Variants in RTL4 observed in about 807,000 individuals in gnomAD.
RTL4 encodes the protein retrotransposon Gag-like protein 4.
RTL4 carries 4 observed loss-of-function variants against 5.3 expected under a neutral mutation model. The ratio of observed to expected loss-of-function variants is 0.75; its 90% CI spans 0.37 to 1.72. RTL4 has a LOEUF of 1.72. RTL4 is among the 40% of genes most tolerant of loss of function. The pLI is 0.04. For missense variants in RTL4, 260 were observed against 227.1 expected, an observed-to-expected ratio of 1.14 and a Z score of -0.93; for synonymous variants, 98 against 87.3, an observed-to-expected ratio of 1.12 and a Z score of -0.68.
At chrX:112,435,020 C>T in the RTL4 span, among the ~76,000 whole-genome samples, 1 of 110,954 alleles carries the variant, frequency 9.0e-6, no homozygotes, top group Non-Finnish European at 1.9e-5. Flanking sequence ...GGGGGAAATG[C>T]TGTAAATGCT....
the RTL4 span, among the ~76,000 whole-genome samples, chrX:112,118,909 G>C: frequency 9.0e-6 from 1 of 110,905 alleles, no homozygotes; most frequent in African/African-American, 3.3e-5. Context: ...TTCCGAGATG[G>C]AGTCTCGCTC....
chrX:112,289,040 A>C, the RTL4 span, among the ~76,000 whole-genome samples: 4 of 111,819 alleles, frequency 3.6e-5, no homozygotes, highest in African/African-American at 1.3e-4. Context: ...AATGAATAGA[A>C]TTTAAAACTG....
the RTL4 span, among the ~76,000 whole-genome samples, chrX:112,234,527 A>G: frequency 9.0e-6 from 1 of 111,592 alleles, no homozygotes; most frequent in Admixed American, 9.5e-5. Flanking sequence ...TGGCTTTGGG[A>G]TCAGCTCCAG....
chrX:112,268,659 T>A, the RTL4 span, among the ~76,000 whole-genome samples: 2 of 111,652 alleles, frequency 1.8e-5, no homozygotes, highest in Admixed American at 9.5e-5. Context: ...GTTTTTTTCT[T>A]CACACAAAGG....
At chrX:112,180,607 G>T in the RTL4 span, among the ~76,000 whole-genome samples, 24 of 111,887 alleles carry the variant, frequency 2.1e-4, no homozygotes, top group Non-Finnish European at 3.0e-4. Context: ...GTAGGTCAAA[G>T]AAATGTGATC....
chrX:112,248,289 TCA>T, the RTL4 span, among the ~76,000 whole-genome samples: 1 of 112,483 alleles, frequency 8.9e-6, no homozygotes, highest in Non-Finnish European at 1.9e-5. Context: ...AAATTTTCTC[TCA>T]GAGACTTAAG....
chrX:112,288,901 C>T, the RTL4 span, among the ~76,000 whole-genome samples: 1 of 111,713 alleles, frequency 9.0e-6, no homozygotes, highest in Non-Finnish European at 1.9e-5. Context: ...TATTTTTCCA[C>T]AGGATGAGGA....
chrX:112,243,114 C>T, the RTL4 span, among the ~76,000 whole-genome samples: 3 of 111,150 alleles, frequency 2.7e-5, no homozygotes, highest in South Asian at 7.7e-4. Context: ...CGAGGCTTTT[C>T]GCATCGATGT....
chrX:112,363,481 C>T, the RTL4 span, among the ~76,000 whole-genome samples: 1 of 110,373 alleles, frequency 9.1e-6, no homozygotes, highest in African/African-American at 3.3e-5. Context: ...AGCAGTTTGC[C>T]AGTTGAACAC....
the RTL4 span, among the ~76,000 whole-genome samples, chrX:112,306,963 T>A: frequency 3.8e-5 from 4 of 106,546 alleles, no homozygotes; most frequent in Non-Finnish European, 7.8e-5. Context: ...TCTGCCTCCC[T>A]CTGCTCAGCA....
the RTL4 span, among the ~76,000 whole-genome samples, chrX:112,388,570 T>A: frequency 3.6e-5 from 4 of 112,346 alleles, no homozygotes; most frequent in East Asian, 1.1e-3. Flanking sequence ...GCTCTTCTCA[T>A]TTTGAGGTAT....
chrX:112,084,103 G>A, the RTL4 span, among the ~76,000 whole-genome samples: 5 of 111,025 alleles, frequency 4.5e-5, no homozygotes, highest in South Asian at 3.8e-4. Flanking sequence ...CGCCCTGGGA[G>A]CCTAAGTGTA....
the RTL4 span, among the ~76,000 whole-genome samples, chrX:112,296,679 G>A: frequency 2.0e-4 from 21 of 103,287 alleles, no homozygotes; most frequent in East Asian, 3.0e-4. Flanking sequence ...GCACAATCTC[G>A]GCTCACTGCA....
the RTL4 span, among the ~76,000 whole-genome samples, chrX:112,445,093 G>A: frequency 2.7e-5 from 3 of 111,479 alleles, no homozygotes; most frequent in Non-Finnish European, 5.7e-5. Context: ...TGGGGCTCAG[G>A]ACAGAAGGGC....
chrX:112,403,272 T>C, the RTL4 span, among the ~76,000 whole-genome samples: 4 of 112,264 alleles, frequency 3.6e-5, no homozygotes, highest in South Asian at 1.1e-3. Flanking sequence ...AAGCTGTTTG[T>C]TGTGCGTAGG....
chrX:112,295,093 A>G, the RTL4 span, among the ~76,000 whole-genome samples: 1 of 112,635 alleles, frequency 8.9e-6, no homozygotes, highest in Non-Finnish European at 1.9e-5. Flanking sequence ...TAGCATGTCC[A>G]TGAGTTTCTC....
At chrX:112,231,461 C>G in the RTL4 span, among the ~76,000 whole-genome samples, 11 of 107,304 alleles carry the variant, frequency 1.0e-4, no homozygotes, top group Admixed American at 2.0e-4. Flanking sequence ...TCTCAGCAAA[C>G]TAACACAAGG....
chrX:112,127,854 A>G, the RTL4 span, among the ~76,000 whole-genome samples: 1 of 112,055 alleles, frequency 8.9e-6, no homozygotes, highest in Non-Finnish European at 1.9e-5. Context: ...CAAAGGAATA[A>G]ATGTTTAACC....
chrX:112,411,200 C>T, the RTL4 span, among the ~76,000 whole-genome samples: 1 of 111,308 alleles, frequency 9.0e-6, no homozygotes, highest in Non-Finnish European at 1.9e-5. Flanking sequence ...GGAACAACAT[C>T]AAAGCTGTAA....
Sources: gnomAD v4.1 joint callset for allele counts (sites outside exome capture counted in the v4.1 genomes callset) on GRCh38, gnomAD v4.1.1 for gene constraint, MANE v1.5 for transcripts, NCBI Gene and HGNC (gene_info 2026-07-23, HGNC 2026-07-21) for gene names.